Variants in RYR2 observed in about 807,000 individuals in gnomAD.
RYR2 encodes cardiac muscle ryanodine receptor-calcium release channel.
Under a neutral mutation model 601.1 loss-of-function variants are expected in RYR2, and 227 were observed. That is an observed-to-expected ratio of 0.38 (90% CI 0.34 to 0.42). RYR2 has a LOEUF of 0.42. Among genes scored for constraint, RYR2 ranks in the 10% least tolerant of loss-of-function variants. RYR2 has a pLI of 1.00. For synonymous variants in RYR2, 2,223 were observed against 2,175.1 expected, an observed-to-expected ratio of 1.02 and a Z score of -0.61; for missense variants, 4,646 against 6,156.5, an observed-to-expected ratio of 0.75 and a Z score of 8.21.
chr1:237,794,481 A>G (rs1658855393), intron 95 of RYR2, among the ~76,000 whole-genome samples: 1 of 152,218 alleles, frequency 6.6e-6, no homozygotes, highest in Non-Finnish European at 1.5e-5. Flanking sequence ...TGTAAAATGT[A>G]AGACAGAAAA....
Position 237,602,076 on chromosome 1 carries a change from C to T in RYR2, c.4648C>T (p.Pro1550Ser), listed in dbSNP as rs1553518591. ...FPAVFAQATSPNVFQFELGRI... is the reference protein window; with the variant it reads ...FPAVFAQATSSNVFQFELGRI... ...TGCGGTTTTTGCACAAGCTACAAGT[C>T]CCAATGTTTTCCAGTTTGAGTTGGG... Residue 1550 changes from proline (P) to serine (S), a missense_variant, in exon 35 of 105, where the codon CCC becomes TCC. Transcript: ENST00000366574. 1 of 1,612,738 alleles carries T rather than the reference C, an allele frequency of 6.2e-7. No homozygotes were observed. The highest frequency in any genetic ancestry group is 1.1e-5 in the South Asian group (1 of 90,904).
intron 97 of RYR2, chr1:237,799,962 C>T (rs1181992454): frequency 6.7e-6 from 1 of 150,234 alleles, no homozygotes; most frequent in African/African-American, 2.5e-5. Context: ...GCTTTGGAGT[C>T]CCCCCGCCCC....
At chr1:237,365,571 G>A (rs2149733341) in intron 5 of RYR2, among the ~76,000 whole-genome samples, 1 of 152,310 alleles carries the variant, frequency 6.6e-6, no homozygotes, top group African/African-American at 2.4e-5. Flanking sequence ...CCCTAAATTA[G>A]ACGTATCATG....
intron 100 of RYR2, among the ~76,000 whole-genome samples, chr1:237,814,697 T>C (rs1388310558): frequency 2.0e-5 from 3 of 152,034 alleles, no homozygotes; most frequent in Non-Finnish European, 2.9e-5. Flanking sequence ...AGAAAGATGA[T>C]TGTGGCTAGA....
chr1:237,465,930 T>C (rs1417463601), intron 16 of RYR2, among the ~76,000 whole-genome samples: 1 of 152,244 alleles, frequency 6.6e-6, no homozygotes, highest in Non-Finnish European at 1.5e-5. Context: ...CAAATCATTG[T>C]TATGCAGCAT....
chr1:237,265,897 C>A (rs981415736), intron 1 of RYR2, among the ~76,000 whole-genome samples: 1 of 152,164 alleles, frequency 6.6e-6, no homozygotes, highest in African/African-American at 2.4e-5. Context: ...GGATGTCACC[C>A]TTTTGTTAAG....
At chr1:237,212,771 G>GTTATTATTA (rs35584787) in intron 1 of RYR2, among the ~76,000 whole-genome samples, 2 of 151,226 alleles carry the variant, frequency 1.3e-5, no homozygotes, top group East Asian at 1.9e-4. Context: ...ACCATGATTG[G>GTTATTATTA]TTATTATTAT....
At chr1:237,560,343 A>G (rs182035113) in intron 27 of RYR2, among the ~76,000 whole-genome samples, 60 of 152,376 alleles carry the variant, frequency 3.9e-4, no homozygotes, top group Admixed American at 9.1e-4. Context: ...ATGTCCTTGG[A>G]GAAACAACTA....
chr1:237,607,791 T>C (rs12410114), intron 35 of RYR2, among the ~76,000 whole-genome samples: 1 of 151,922 alleles, frequency 6.6e-6, no homozygotes, highest in African/African-American at 2.4e-5. Context: ...CAGGCACACA[T>C]TGGAGTGAAT....
At chr1:237,573,161 A>T (rs1282894000) in intron 29 of RYR2, among the ~76,000 whole-genome samples, 2 of 151,992 alleles carry the variant, frequency 1.3e-5, no homozygotes, top group African/African-American at 4.8e-5. Flanking sequence ...TCAGTCATTT[A>T]TACACTGACT....
At chr1:237,623,031 G>A (rs980593699) in intron 38 of RYR2, among the ~76,000 whole-genome samples, 11 of 152,194 alleles carry the variant, frequency 7.2e-5, no homozygotes, top group Non-Finnish European at 1.6e-4. Context: ...CTCAAAAAGA[G>A]TTCTTGTAAA....
intron 1 of RYR2, among the ~76,000 whole-genome samples, chr1:237,205,813 G>C (rs1681749087): frequency 6.6e-6 from 1 of 152,232 alleles, no homozygotes; most frequent in South Asian, 2.1e-4. Flanking sequence ...CCTGCACTGG[G>C]CAGAGAGCCG....
At chr1:237,397,329 C>T (rs1043878465) in intron 10 of RYR2, among the ~76,000 whole-genome samples, 2 of 151,936 alleles carry the variant, frequency 1.3e-5, no homozygotes, top group African/African-American at 2.4e-5. Context: ...AATTCTAAGC[C>T]GATATGAGTG....
intron 29 of RYR2, among the ~76,000 whole-genome samples, chr1:237,577,521 TGTGTGTGTGTGTGTGCGTGTGTGTGTG>T (rs1673375098): frequency 2.8e-5 from 2 of 70,396 alleles, no homozygotes; most frequent in Non-Finnish European, 6.8e-5. Flanking sequence ...TGTGTGTGTG[TGTGTGTGTGTGTGTGCGTGTGTGTGTG>T]TTTGAGAGAG....
intron 25 of RYR2, among the ~76,000 whole-genome samples, chr1:237,547,346 A>C (rs1385821727): frequency 6.6e-6 from 1 of 152,142 alleles, no homozygotes; most frequent in African/African-American, 2.4e-5. Context: ...CTCATGTTTT[A>C]ATAATTAATT....
Position 237,168,035 on chromosome 1 carries a change from T to A in RYR2, c.49-102462T>A, listed in dbSNP as rs551419308. Among the ~76,000 whole-genome samples the A allele has an allele frequency of 1.4e-4, 21 of 152,326 alleles. 1 individual carries two copies. The highest frequency in any genetic ancestry group is 1.1e-3 in the Admixed American group (17 of 15,300). ...ACAATTCCTTCTTTTCCTGGATACT[T>A]ACCAAGCCAAAGAGAAACGGATTCA... is the stretch of plus-strand genomic sequence containing the variant. On this transcript the variant is annotated intron_variant, in intron 1 of 104. Coordinates refer to ENST00000366574, the MANE Select transcript of RYR2 (RefSeq NM_001035.3).
intron 52 of RYR2, among the ~76,000 whole-genome samples, chr1:237,654,988 A>G (rs1367612969): frequency 2.0e-5 from 3 of 152,224 alleles, no homozygotes; most frequent in South Asian, 2.1e-4. Context: ...TTGTGTGTTC[A>G]TCCTTAAATT....
chr1:237,684,900 T>C (rs1686234464), intron 62 of RYR2, among the ~76,000 whole-genome samples: 3 of 148,928 alleles, frequency 2.0e-5, no homozygotes, highest in African/African-American at 7.4e-5. Context: ...TGGAAATAGG[T>C]CTTTGAAGAA....
chr1:237,656,275 A>G (rs949279565), intron 53 of RYR2, among the ~76,000 whole-genome samples: 10 of 152,128 alleles, frequency 6.6e-5, no homozygotes, highest in African/African-American at 2.2e-4. Flanking sequence ...TTTAGTTGAA[A>G]AATTACCCTA....
Sources: allele counts gnomAD v4.1 joint callset (sites outside exome capture counted in the v4.1 genomes callset), GRCh38; gene constraint gnomAD v4.1.1; transcripts MANE v1.5; gene names NCBI Gene and HGNC (gene_info 2026-07-23, HGNC 2026-07-21).